The following ACOXL variants were observed in gnomAD, a reference collection of about 807,000 sequenced individuals.
ACOXL encodes the protein acyl-coenzyme A oxidase-like protein.
In ACOXL, 70 loss-of-function variants were observed where a neutral mutation model predicts 71.9. The observed-to-expected ratio is 0.97, with a 90% CI of 0.80 to 1.19. The LOEUF is 1.19. ACOXL is among the 50% of genes most tolerant of loss of function. The pLI, the probability that ACOXL is intolerant of heterozygous loss-of-function variation, is 0.00. For missense variants in ACOXL, 703 were observed against 736.3 expected, an observed-to-expected ratio of 0.95 and a Z score of 0.52; for synonymous variants, 253 against 281.6, an observed-to-expected ratio of 0.90 and a Z score of 1.02.
chr2:110,787,405 A>G (rs985235927), intron 3 of ACOXL, among the ~76,000 whole-genome samples: 7 of 151,746 alleles, frequency 4.6e-5, no homozygotes, highest in Non-Finnish European at 7.4e-5. Flanking sequence ...GTGGTGGCAG[A>G]CGCCTGTAGT....
intron 10 of ACOXL, among the ~76,000 whole-genome samples, chr2:110,877,160 A>T (rs1404022150): frequency 6.6e-6 from 1 of 152,256 alleles, no homozygotes; most frequent in Non-Finnish European, 1.5e-5. Flanking sequence ...CTTCTCCAGC[A>T]CAGCCAGCAG....
intron 10 of ACOXL, among the ~76,000 whole-genome samples, chr2:110,881,327 T>C (rs1414021513): frequency 6.6e-6 from 1 of 152,142 alleles, no homozygotes; most frequent in Non-Finnish European, 1.5e-5. Context: ...TGTGAAATTA[T>C]TAAATTATTT....
chr2:110,899,914 G>A (rs907336434), intron 10 of ACOXL, among the ~76,000 whole-genome samples: 2 of 152,034 alleles, frequency 1.3e-5, no homozygotes, highest in Admixed American at 6.6e-5. Flanking sequence ...AAGAACTCGC[G>A]GCTTCTATGG....
chr2:110,966,598 G>A (rs556928958), intron 12 of ACOXL, among the ~76,000 whole-genome samples: 7 of 152,366 alleles, frequency 4.6e-5, no homozygotes, highest in African/African-American at 1.7e-4. Flanking sequence ...TTAGTGGGGA[G>A]CTGAGCCTCT....
chr2:110,786,976 C>G (rs1684037920), intron 3 of ACOXL, among the ~76,000 whole-genome samples: 2 of 151,290 alleles, frequency 1.3e-5, no homozygotes, highest in Admixed American at 1.3e-4. Context: ...GAATCTGTAT[C>G]TTTTACATAT....
intron 9 of ACOXL, among the ~76,000 whole-genome samples, chr2:110,805,641 C>T (rs1483786353): frequency 6.6e-6 from 1 of 152,184 alleles, no homozygotes; most frequent in African/African-American, 2.4e-5. Flanking sequence ...GGAGCACAGG[C>T]ATTGTGGTAA....
At chr2:110,982,888 G>C (rs2062775363) in intron 12 of ACOXL, among the ~76,000 whole-genome samples, 1 of 152,170 alleles carries the variant, frequency 6.6e-6, no homozygotes, top group South Asian at 2.1e-4. Flanking sequence ...ACCATGCTTG[G>C]TTCAGTGCTC....
chr2:110,963,429 G>A (rs905847857), intron 12 of ACOXL, among the ~76,000 whole-genome samples: 16 of 152,298 alleles, frequency 1.1e-4, no homozygotes, highest in Admixed American at 9.8e-4. Flanking sequence ...AAAAGCTAAT[G>A]TAAGGAATCA....
intron 15 of ACOXL, among the ~76,000 whole-genome samples, chr2:111,044,308 G>A (rs2065916632): frequency 6.6e-6 from 1 of 152,244 alleles, no homozygotes; most frequent in Admixed American, 6.5e-5. Context: ...CGGCAGTGGT[G>A]TGGTTCCCCA....
chr2:110,739,870 C>G (rs72828857), intron 1 of ACOXL, among the ~76,000 whole-genome samples: 7 of 152,162 alleles, frequency 4.6e-5, no homozygotes, highest in African/African-American at 1.7e-4. Context: ...TGCTATCCCT[C>G]GTGGAATGTC....
chr2:111,008,776 G>A (rs1442118580), intron 14 of ACOXL, among the ~76,000 whole-genome samples: 1 of 152,122 alleles, frequency 6.6e-6, no homozygotes, highest in African/African-American at 2.4e-5. Flanking sequence ...AATAGAATGT[G>A]TTCTAATATT....
At chr2:110,837,634 A>T (rs944143390) in intron 9 of ACOXL, among the ~76,000 whole-genome samples, 4 of 151,240 alleles carry the variant, frequency 2.6e-5, no homozygotes, top group African/African-American at 9.7e-5. Context: ...TCATATGGAA[A>T]CCCCTCCAAC....
At chr2:111,114,779 A>G (rs2070229516) in intron 17 of ACOXL, among the ~76,000 whole-genome samples, 1 of 151,970 alleles carries the variant, frequency 6.6e-6, no homozygotes, top group South Asian at 2.1e-4. Context: ...GAAATAAGGA[A>G]ACTGTAGGGA....
intron 11 of ACOXL, among the ~76,000 whole-genome samples, chr2:110,914,660 T>C (rs888651413): frequency 6.6e-6 from 1 of 152,214 alleles, no homozygotes; most frequent in African/African-American, 2.4e-5. Flanking sequence ...TTTTAATTTT[T>C]GTTTTGTTTT....
chr2:110,837,618 G>A (rs1052465251), intron 9 of ACOXL, among the ~76,000 whole-genome samples: 1 of 151,766 alleles, frequency 6.6e-6, no homozygotes, highest in Admixed American at 6.6e-5. Flanking sequence ...GTCTGAGCTC[G>A]CTGGGTCATA....
At chr2:111,064,609 T>C (rs1420320222) in intron 16 of ACOXL, among the ~76,000 whole-genome samples, 1 of 152,208 alleles carries the variant, frequency 6.6e-6, no homozygotes, top group Non-Finnish European at 1.5e-5. Flanking sequence ...ACTGTACGTG[T>C]TCAGTACAGA....
chr2:111,057,760 G>A (rs978360384), intron 16 of ACOXL, among the ~76,000 whole-genome samples: 3 of 152,358 alleles, frequency 2.0e-5, no homozygotes, highest in Middle Eastern at 3.4e-3. Context: ...ACATGTGCCC[G>A]ACTGCCTAAG....
At chr2:110,953,494 A>G in intron 12 of ACOXL, among the ~76,000 whole-genome samples, 1 of 152,112 alleles carries the variant, frequency 6.6e-6, no homozygotes, top group South Asian at 2.1e-4. Context: ...GCAGGGTTTC[A>G]AAGGAGACCA....
rs200020093 is a variant in ACOXL, at chr2:110,732,721, G to A, written c.-76G>A. ...CGCTACCTGGACGGCGACTTCTGGA[G>A]CCTCAAGAACGAGCTGCGCGGACTC... On this transcript the variant is annotated 5_prime_UTR_variant, in exon 1 of 18. Transcript: ENST00000439055. 72 of 152,602 alleles carry A rather than the reference G, an allele frequency of 4.7e-4. No individual in the cohort carries two copies. Among genetic ancestry groups the A allele is most frequent in the Non-Finnish European group, 6.6e-4 (45 of 68,040 alleles). 9.5% of individuals were successfully genotyped at this position (152,602 alleles called of 1,614,324 possible). A position where few individuals can be genotyped will look rare whatever the true frequency, so the allele number is the denominator to read the frequency against.
Sources: gnomAD v4.1 joint callset for allele counts (sites outside exome capture counted in the v4.1 genomes callset) on GRCh38, gnomAD v4.1.1 for gene constraint, MANE v1.5 for transcripts, NCBI Gene and HGNC (gene_info 2026-07-23, HGNC 2026-07-21) for gene names.